The following MACROD1 variants were observed in gnomAD, a reference collection of about 807,000 sequenced individuals.
The protein encoded by MACROD1 is mono-ADP ribosylhydrolase 1.
Under a neutral mutation model 41.4 loss-of-function variants are expected in MACROD1, and 31 were observed. The observed-to-expected ratio is 0.75, with a 90% CI of 0.56 to 1.01. The LOEUF is 1.01. Ranked by LOEUF, MACROD1 falls within the 50% of genes least tolerant of loss-of-function variation. The pLI, the probability that MACROD1 is intolerant of heterozygous loss-of-function variation, is 0.00. For missense variants in MACROD1, 473 were observed against 460.0 expected (o/e 1.03, Z -0.26); for synonymous variants, 252 against 203.4 (o/e 1.24, Z -2.03).
chr11:64,042,090 G>A (rs765477446), intron 3 of MACROD1, among the ~76,000 whole-genome samples: 1 of 152,212 alleles, frequency 6.6e-6, no homozygotes, highest in Non-Finnish European at 1.5e-5. Flanking sequence ...GAAGGTGGCG[G>A]TGGCCCAGTC....
intron 4 of MACROD1, among the ~76,000 whole-genome samples, chr11:64,012,148 T>C (rs1254730015): frequency 1.3e-5 from 2 of 152,096 alleles, no homozygotes; most frequent in African/African-American, 4.8e-5. Flanking sequence ...TCTCCATCAG[T>C]CAGGTTGTGT....
At position 64,006,205 on chromosome 11, in the gene MACROD1, C is replaced by T. The variant is rs941841182; in HGVS notation, c.548-5862G>A. 7.9e-5 allele frequency among the ~76,000 whole-genome samples: 12 copies of T among 152,226 alleles called. No individual in the cohort carries two copies. In the South Asian group the frequency reaches 8.3e-4, roughly 10 times the overall value. On this transcript the variant is annotated intron_variant, in intron 4 of 10. Coordinates refer to ENST00000255681, the MANE Select transcript of MACROD1 (RefSeq NM_014067.4). ...ATAAGTGACCTACCCAAGGGTCTTG[C>T]GCTCTCTTCTCTCCCAGCCCACTCC...
At chr11:64,163,295 T>C (rs1945785314) in intron 1 of MACROD1, among the ~76,000 whole-genome samples, 1 of 152,164 alleles carries the variant, frequency 6.6e-6, no homozygotes, top group Non-Finnish European at 1.5e-5. Flanking sequence ...AGTGAAACTG[T>C]CTCAAAAAAA....
intron 3 of MACROD1, among the ~76,000 whole-genome samples, chr11:64,115,308 TC>T (rs1299066172): frequency 6.6e-6 from 1 of 152,202 alleles, no homozygotes; most frequent in African/African-American, 2.4e-5. Flanking sequence ...TGCAGCCAAT[TC>T]CCTCAGAGTA....
chr11:64,047,979 A>G (rs1943616763), intron 3 of MACROD1, among the ~76,000 whole-genome samples: 1 of 151,630 alleles, frequency 6.6e-6, no homozygotes. Flanking sequence ...GATGGTGGAT[A>G]GGAGCTTTCC....
chr11:64,087,756 C>A (rs754297963), intron 3 of MACROD1, among the ~76,000 whole-genome samples: 1 of 152,258 alleles, frequency 6.6e-6, no homozygotes, highest in Admixed American at 6.5e-5. Flanking sequence ...GTACACAGAG[C>A]ACGCTGTGCA....
chr11:64,045,211 C>A (rs2134397232), intron 3 of MACROD1, among the ~76,000 whole-genome samples: 1 of 152,066 alleles, frequency 6.6e-6, no homozygotes, highest in Middle Eastern at 3.4e-3. Flanking sequence ...CCGCTGGTGC[C>A]CTCGGGAGGA....
At chr11:64,149,517 G>A (rs773594374) in intron 3 of MACROD1, among the ~76,000 whole-genome samples, 1 of 152,146 alleles carries the variant, frequency 6.6e-6, no homozygotes, top group South Asian at 2.1e-4. Context: ...CCCACAGCCC[G>A]GGTGCAGCCT....
intron 3 of MACROD1, among the ~76,000 whole-genome samples, chr11:64,084,759 C>T (rs1944365182): frequency 6.6e-6 from 1 of 152,178 alleles, no homozygotes; most frequent in Admixed American, 6.5e-5. Flanking sequence ...CCTTGGTGAC[C>T]CCAGCATTCT....
At chr11:64,133,763 G>A (rs1366060938) in intron 3 of MACROD1, among the ~76,000 whole-genome samples, 2 of 152,102 alleles carry the variant, frequency 1.3e-5, no homozygotes, top group African/African-American at 4.8e-5. Context: ...GGACCCTAGG[G>A]CACCCCAGCT....
chr11:64,152,725 G>A (rs776394286), intron 1 of MACROD1, among the ~76,000 whole-genome samples: 5 of 152,180 alleles, frequency 3.3e-5, no homozygotes, highest in African/African-American at 2.4e-5. Flanking sequence ...TGATTAGAAC[G>A]GGGGTGAAGA....
intron 4 of MACROD1, among the ~76,000 whole-genome samples, chr11:64,006,504 G>A (rs980952653): frequency 2.2e-4 from 34 of 152,244 alleles, no homozygotes; most frequent in South Asian, 6.2e-4. Flanking sequence ...AATTCATTAC[G>A]GGGTGAGATC....
At position 64,137,237 on chromosome 11, in the gene MACROD1, C is replaced by T. The variant is rs115970009; in HGVS notation, c.517+14002G>A. On this transcript the variant is annotated intron_variant, in intron 3 of 10. Coordinates refer to ENST00000255681, the MANE Select transcript of MACROD1 (RefSeq NM_014067.4). ...GCCCAGAGGCCAGCTGCCGTGAGCA[C>T]GACACAGGGGAGTCGACAGTGACAA... 1.7e-3 allele frequency among the ~76,000 whole-genome samples: 253 copies of T among 152,240 alleles called. 1 individual carries two copies. The highest frequency in any genetic ancestry group is 5.9e-3 in the African/African-American group (246 of 41,532).
At chr11:64,118,567 A>G (rs1235445544) in intron 3 of MACROD1, 7 of 387,200 alleles carry the variant, frequency 1.8e-5, no homozygotes, top group Non-Finnish European at 3.4e-5. Context: ...AGGACTAAAA[A>G]TAATATTGCA....
chr11:64,118,374 A>G, intron 3 of MACROD1: 10 of 1,436,552 alleles, frequency 7.0e-6, no homozygotes, highest in Non-Finnish European at 9.2e-6. Context: ...GCTGCAATCC[A>G]AGAGAGCAAG....
Position 63,999,694 on chromosome 11 carries a change from C to A in MACROD1, c.734G>T (p.Ser245Ile). 1 of 1,609,168 alleles carries A rather than the reference C, an allele frequency of 6.2e-7. No homozygotes were observed. Residue 245 changes from serine to isoleucine, a missense_variant, in exon 6 of 11, where the codon AGC becomes ATC. Coordinates refer to ENST00000255681, the MANE Select transcript of MACROD1 (RefSeq NM_014067.4). ...PSASQAAELR[S>I]CYLSSLDLLL... ...CAGGTCCAGACTGCTCAGGTAGCAG[C>A]TGCGGAGCTCGGCAGCCTGACTGGC...
intron 3 of MACROD1, among the ~76,000 whole-genome samples, chr11:64,035,485 G>C (rs903414381): frequency 6.6e-6 from 1 of 152,032 alleles, no homozygotes; most frequent in African/African-American, 2.4e-5. Flanking sequence ...GCGTGAGCTA[G>C]AACCCCTTTC....
intron 3 of MACROD1, among the ~76,000 whole-genome samples, chr11:64,102,186 T>G (rs751020799): frequency 1.3e-5 from 2 of 152,194 alleles, no homozygotes; most frequent in Non-Finnish European, 2.9e-5. Flanking sequence ...TAAAAGCCCT[T>G]TTCCAAAGAG....
In MACROD1 at chr11:64,117,603, C is replaced by T. The variant is rs1387380048; in HGVS notation, c.517+33636G>A. On this transcript the variant is annotated intron_variant, in intron 3 of 10. Coordinates refer to ENST00000255681, the MANE Select transcript of MACROD1 (RefSeq NM_014067.4). ...GACCCTGGCCATCCACGTGAAGGCC[C>T]TGACGGCAGACTCCATCCGCATCAC... The T allele has an allele frequency of 6.2e-6, 10 of 1,613,584 alleles. No homozygotes were observed. In the Admixed American group the frequency reaches 1.7e-4, roughly 27 times the overall value.
Sources: gnomAD v4.1 joint callset for allele counts (sites outside exome capture counted in the v4.1 genomes callset) on GRCh38, gnomAD v4.1.1 for gene constraint, MANE v1.5 for transcripts, NCBI Gene and HGNC (gene_info 2026-07-23, HGNC 2026-07-21) for gene names.